Variants in USH2A observed in about 807,000 individuals in gnomAD.
USH2A encodes the protein Usher syndrome 2A (autosomal recessive, mild).
A neutral mutation model predicts 538.9 loss-of-function variants in USH2A; 443 were observed. That is an observed-to-expected ratio of 0.82 (90% confidence interval 0.76 to 0.89). The LOEUF (loss-of-function observed/expected upper bound fraction) is 0.89, where lower values mean the gene tolerates loss of function less well. Among genes scored for constraint, USH2A ranks in the 40% least tolerant of loss-of-function variants. USH2A has a pLI of 0.00. For synonymous variants in USH2A, 2,413 were observed against 2,273.5 expected, an observed-to-expected ratio of 1.06 and a Z score of -1.75; for missense variants, 6,633 against 6,324.8, an observed-to-expected ratio of 1.05 and a Z score of -1.65.
At chr1:215,837,483 C>A (rs1663564921) in intron 47 of USH2A, among the ~76,000 whole-genome samples, 1 of 152,120 alleles carries the variant, frequency 6.6e-6, no homozygotes, top group South Asian at 2.1e-4. Context: ...CGCTTTCAAA[C>A]TATGGTCATT....
At chr1:215,972,312 A>C (rs1667513371) in intron 35 of USH2A, among the ~76,000 whole-genome samples, 2 of 152,148 alleles carry the variant, frequency 1.3e-5, no homozygotes, top group Admixed American at 1.3e-4. Context: ...CAGACAGAAG[A>C]AGCATCTCTT....
At chr1:215,950,836 T>C (rs1002405678) in intron 37 of USH2A, among the ~76,000 whole-genome samples, 12 of 152,110 alleles carry the variant, frequency 7.9e-5, no homozygotes, top group African/African-American at 2.7e-4. Flanking sequence ...CAAAACTGTC[T>C]CTGAAGAAAA....
chr1:216,350,955 C>T (rs1224121157), intron 4 of USH2A, among the ~76,000 whole-genome samples: 2 of 151,958 alleles, frequency 1.3e-5, no homozygotes, highest in Non-Finnish European at 2.9e-5. Flanking sequence ...GACACCCAGG[C>T]TTTTCTGTAC....
Position 216,231,944 on chromosome 1 carries a change from A to C in USH2A, c.2993+9T>G, listed in dbSNP as rs1255462185. ...AAGAGTTAAATTATTAAAGCTTATA[A>C]AGATGTACCTTCCAGTCTGAGGATC... On this transcript the variant is annotated intron_variant, in intron 14 of 71. Coordinates refer to ENST00000307340, the MANE Select transcript of USH2A (RefSeq NM_206933.4). The C allele has an allele frequency of 6.2e-7, 1 of 1,613,926 alleles. No homozygotes were observed. Among genetic ancestry groups the C allele is most frequent in the Non-Finnish European group, 8.5e-7 (1 of 1,179,818 alleles).
chr1:215,973,940 T>TCACACACACACACACA (rs140368318), intron 35 of USH2A, among the ~76,000 whole-genome samples: 58 of 146,396 alleles, frequency 4.0e-4, no homozygotes, highest in African/African-American at 1.4e-3. Flanking sequence ...ATAGGTGAGA[T>TCACACACACACACACA]CACACACACA....
intron 3 of USH2A, among the ~76,000 whole-genome samples, chr1:216,370,357 T>A (rs1339693215): frequency 2.7e-5 from 4 of 148,980 alleles, no homozygotes; most frequent in Admixed American, 6.7e-5. Flanking sequence ...TGAGACTCTA[T>A]CCAAAAAAAG....
intron 44 of USH2A, among the ~76,000 whole-genome samples, chr1:215,857,552 A>G (rs1448847612): frequency 1.3e-5 from 2 of 151,592 alleles, no homozygotes; most frequent in African/African-American, 4.8e-5. Context: ...AAGCCTCAGG[A>G]AGAGTCATGA....
intron 38 of USH2A, among the ~76,000 whole-genome samples, chr1:215,912,417 T>A (rs1665808521): frequency 7.4e-6 from 1 of 135,254 alleles, no homozygotes; most frequent in Non-Finnish European, 1.6e-5. Context: ...TTTAAAAAAA[T>A]TTCTAAGAAT....
chr1:216,148,356 T>C (rs1482478430), intron 21 of USH2A, among the ~76,000 whole-genome samples: 1 of 152,020 alleles, frequency 6.6e-6, no homozygotes, highest in East Asian at 1.9e-4. Flanking sequence ...ATTCCTGGAC[T>C]ACAGCTATAT....
intron 20 of USH2A, among the ~76,000 whole-genome samples, chr1:216,177,090 T>C (rs529796702): frequency 1.3e-5 from 2 of 152,268 alleles, no homozygotes; most frequent in South Asian, 2.1e-4. Flanking sequence ...AGAAGTGCAA[T>C]TGCTGTATCA....
At chr1:215,687,845 C>T (rs2102678728) in intron 61 of USH2A, among the ~76,000 whole-genome samples, 1 of 152,198 alleles carries the variant, frequency 6.6e-6, no homozygotes, top group Admixed American at 6.5e-5. Flanking sequence ...GTATTGAGAG[C>T]TTCTTATACA....
At chr1:216,266,866 A>G (rs1474124514) in intron 11 of USH2A, among the ~76,000 whole-genome samples, 2 of 152,006 alleles carry the variant, frequency 1.3e-5, no homozygotes, top group African/African-American at 4.8e-5. Flanking sequence ...TTGAAAATAG[A>G]ACCAACATGA....
chr1:216,228,367 G>C (rs538559387), intron 14 of USH2A, among the ~76,000 whole-genome samples: 1 of 152,170 alleles, frequency 6.6e-6, no homozygotes, highest in South Asian at 2.1e-4. Context: ...ACCTGGAACT[G>C]GAAAGATAAG....
At chr1:216,300,869 C>T (rs1230575577) in intron 9 of USH2A, among the ~76,000 whole-genome samples, 1 of 151,700 alleles carries the variant, frequency 6.6e-6, no homozygotes, top group Non-Finnish European at 1.5e-5. Context: ...ATGCCTCAGC[C>T]TCCCGAGTAT....
At chr1:215,959,995 C>T (rs2102449592) in intron 37 of USH2A, among the ~76,000 whole-genome samples, 1 of 152,246 alleles carries the variant, frequency 6.6e-6, no homozygotes, top group Middle Eastern at 3.4e-3. Context: ...GATATGTGTA[C>T]TAAGACATGG....
chr1:216,120,212 T>C (rs2102593479), intron 21 of USH2A, among the ~76,000 whole-genome samples: 1 of 66,302 alleles, frequency 1.5e-5, no homozygotes, highest in East Asian at 9.4e-4. Context: ...CAGGTCATAC[T>C]AAATAGCAAA....
In USH2A at chr1:215,836,526, TTATATATATATATATAA is replaced by T. The variant is rs1663522695; in HGVS notation, c.9371+1448_9371+1464del. On this transcript the variant is annotated intron_variant, in intron 47 of 71. Transcript: ENST00000307340. ...ATATATTATATATATATAATATATA[TTATATATATATATATAA>T]TATATATATATATATATATATATTT... Among the ~76,000 whole-genome samples, 2 of 26,494 alleles carry T rather than the reference TTATATATATATATATAA, an allele frequency of 7.5e-5. 1 individual carries two copies. Among genetic ancestry groups the T allele is most frequent in the Non-Finnish European group, 1.4e-4 (2 of 14,756 alleles). The allele number at this position is 26,494 out of a possible 152,430, so 17.4% of individuals were successfully genotyped here. A position where few individuals can be genotyped will look rare whatever the true frequency, so the allele number is the denominator to read the frequency against.
intron 21 of USH2A, among the ~76,000 whole-genome samples, chr1:216,158,000 TTAGATTC>T (rs1207678856): frequency 3.3e-5 from 5 of 152,142 alleles, no homozygotes; most frequent in African/African-American, 1.2e-4. Context: ...ACTAGACTCT[TTAGATTC>T]TAGCTTCTTT....
In USH2A at chr1:215,782,734, A is replaced by G. The variant is rs372667667; in HGVS notation, c.10585+4T>C. 1 of 1,613,080 alleles carries G rather than the reference A, an allele frequency of 6.2e-7. No homozygotes were observed. Among genetic ancestry groups the G allele is most frequent in the South Asian group, 1.1e-5 (1 of 91,042 alleles). ...TTATTTGTATTTTAAAGGTATCTCA[A>G]TACCATTTGATTGTATAGGTTTTCT... On this transcript the variant is annotated splice_donor_region_variant and intron_variant, in intron 53 of 71. Transcript: ENST00000307340.
Sources: allele counts gnomAD v4.1 joint callset (sites outside exome capture counted in the v4.1 genomes callset), GRCh38; gene constraint gnomAD v4.1.1; transcripts MANE v1.5; gene names NCBI Gene and HGNC (gene_info 2026-07-23, HGNC 2026-07-21).